CNGA2: variants seen among roughly 807,000 people sequenced by gnomAD.
CNGA2 encodes cyclic nucleotide gated channel subunit alpha 2, also known as cyclic nucleotide-gated channel alpha-2.
In CNGA2, 22 loss-of-function variants were observed where a neutral mutation model predicts 35.9. The observed-to-expected ratio is 0.61, with a 90% confidence interval of 0.44 to 0.88. CNGA2 has a LOEUF of 0.88. CNGA2 is among the 40% of genes least tolerant of loss of function. CNGA2 has a pLI of 0.00. For synonymous variants in CNGA2, 217 were observed against 209.2 expected (o/e 1.04, Z -0.32); for missense variants, 555 against 530.8 (o/e 1.05, Z -0.45).
Position 151,743,426 on chromosome X carries a change from T to A in CNGA2, c.923T>A (p.Val308Asp), listed in dbSNP as rs1212671237. 8.3e-7 allele frequency: 1 copy of A among 1,207,637 alleles called. No homozygotes were observed. The highest frequency in any genetic ancestry group is 1.1e-6 in the Non-Finnish European group (1 of 894,736). The change falls in exon 7 of 7, where the codon GTT (valine) becomes GAT (aspartate). Residue 308 changes from valine to aspartate, a missense_variant. By Grantham distance (152) the Val-to-Asp change is radical. Coordinates refer to ENST00000329903, the MANE Select transcript of CNGA2 (RefSeq NM_005140.3). ...ATAGGCTTTGGGGTCGACACCTGGGTTTACCCAAACATCACTGACCCTGAG... is the reference window on the plus strand; with the variant it reads ...ATAGGCTTTGGGGTCGACACCTGGGATTACCCAAACATCACTGACCCTGAG... The part of the protein sequence containing the change: ...KSIGFGVDTW[V>D]YPNITDPEYG...
rs1183569188 is a variant in CNGA2, at chrX:151,743,504, C to T, written c.1001C>T (p.Thr334Ile). The T allele has an allele frequency of 8.3e-7, 1 of 1,208,603 alleles. No individual in the cohort carries two copies. Among genetic ancestry groups the T allele is most frequent in the Non-Finnish European group, 1.1e-6 (1 of 895,009 alleles). ...TATTGCCTTTACTGGTCCACACTGA[C>T]TCTCACTACCATTGGGGAGACACCA... ...YIYCLYWSTL[T>I]LTTIGETPPP... Residue 334 changes from threonine to isoleucine, a missense_variant, in exon 7 of 7, where the codon ACT (threonine) becomes ATT (isoleucine). Transcript: ENST00000329903.
At position 151,742,983 on chromosome X, in the gene CNGA2, CATATATATGTGTATATATATAT is replaced by C. The variant is rs1192471839; in HGVS notation, c.590-108_590-87del. On this transcript the variant is annotated intron_variant, in intron 6 of 6. Coordinates refer to ENST00000329903, the MANE Select transcript of CNGA2 (RefSeq NM_005140.3). Reference sequence around the variant, plus strand: ...ATGTATATATATATGTATATATATACATATATATGTGTATATATATATACACATATATATGTATATATATGCA... The same window carrying C: ...ATGTATATATATATGTATATATATACACACATATATATGTATATATATGCA... The C allele has an allele frequency of 3.3e-3, 63 of 19,283 alleles. 4 individuals are homozygous for C. The highest frequency in any genetic ancestry group is 4.7e-3 in the South Asian group (1 of 214). The allele number at this position is 19,283 out of a possible 1,213,427, so 1.6% of individuals were successfully genotyped here. A position where few individuals can be genotyped will look rare whatever the true frequency, so the allele number is the denominator to read the frequency against.
At chrX:151,738,731 G>C (rs2015272551) in intron 2 of CNGA2, 56 bp from the exon 3 acceptor site, 1 of 1,103,051 alleles carries the variant, frequency 9.1e-7, no homozygotes, top group Non-Finnish European at 1.2e-6. Flanking sequence ...TGACCCAGGA[G>C]GGGAGACAAG....
intron 1 of CNGA2, among the ~76,000 whole-genome samples, chrX:151,737,127 A>G (rs144264470): frequency 0.024 from 2,652 of 111,667 alleles, 83 homozygotes; most frequent in African/African-American, 0.082. Flanking sequence ...GAACAAGCTT[A>G]GGCGGGGGTT....
At chrX:151,736,588 G>A (rs527414072) in intron 1 of CNGA2, among the ~76,000 whole-genome samples, 1 of 110,928 alleles carries the variant, frequency 9.0e-6, no homozygotes, top group Non-Finnish European at 1.9e-5. Flanking sequence ...GGGACTTGAG[G>A]TTTCCTGGAG....
intron 1 of CNGA2, among the ~76,000 whole-genome samples, chrX:151,737,093 C>T (rs1173513859): frequency 9.0e-6 from 1 of 111,712 alleles, no homozygotes; most frequent in Non-Finnish European, 1.9e-5. Context: ...CCTGCCATCG[C>T]CATGGTGACA....
Position 151,743,791 on chromosome X carries a change from A to G in CNGA2, c.1288A>G (p.Lys430Glu). The stretch of plus-strand genomic sequence containing the variant: ...GACAGTGGATGAGCGAGAAATTCTC[A>G]AGAATCTGCCAGCCAAGCTCAGGGC... ...KKTVDEREIL[K>E]NLPAKLRAEI... The change falls in exon 7 of 7, where the codon AAG becomes GAG. Residue 430 changes from lysine to glutamate, a missense_variant. Physicochemically the swap from Lys to Glu is moderately conservative, Grantham distance 56 (BLOSUM62 1). Coordinates refer to ENST00000329903, the MANE Select transcript of CNGA2 (RefSeq NM_005140.3). 1 of 1,211,662 alleles carries G rather than the reference A, an allele frequency of 8.3e-7. No homozygotes were observed. The highest frequency in any genetic ancestry group is 1.1e-6 in the Non-Finnish European group (1 of 895,484).
intron 3 of CNGA2, 121 bp from the exon 4 acceptor site, chrX:151,739,441 T>G: frequency 2.6e-6 from 2 of 779,286 alleles, no homozygotes; most frequent in Non-Finnish European, 1.8e-6. Flanking sequence ...GTCTGGCCTG[T>G]TTGTAGGTTT....
chrX:151,744,135 C>T lies in CNGA2; in HGVS notation c.1632C>T (p.Gly544=). ...GCACAGCTAATATCCGCAGCCTGGG[C>T]TACTCAGATCTCTTCTGCTTGTCCA... ...NRRTANIRSL[G]YSDLFCLSKD... is the part of the protein sequence containing the mutation. The change falls in exon 7 of 7, where the codon GGC becomes GGT. Residue 544 remains glycine (G), a synonymous_variant. Coordinates refer to ENST00000329903, the MANE Select transcript of CNGA2 (RefSeq NM_005140.3). The T allele has an allele frequency of 1.7e-6, 2 of 1,210,347 alleles. No homozygotes were observed. The highest frequency in any genetic ancestry group is 3.5e-5 in the South Asian group (2 of 56,809).
chrX:151,743,347 A>C lies in CNGA2; in HGVS notation c.844A>C (p.Ile282Leu), dbSNP rs2015337726. Residue 282 changes from isoleucine (I) to leucine (L), a missense_variant, in exon 7 of 7, where the codon ATC becomes CTC. Coordinates refer to ENST00000329903, the MANE Select transcript of CNGA2 (RefSeq NM_005140.3). The stretch of plus-strand genomic sequence containing the variant: ...CCGCATCAGCAACCTTGTCCTCTAC[A>C]TCTTGGTCATCATCCACTGGAATGC... The part of the protein sequence containing the change: ...IFRISNLVLY[I>L]LVIIHWNACI... 1 of 1,209,067 alleles carries C rather than the reference A, an allele frequency of 8.3e-7. No homozygotes were observed. The highest frequency in any genetic ancestry group is 1.8e-5 in the African/African-American group (1 of 56,882).
At chrX:151,736,650 G>T (rs756138984) in intron 1 of CNGA2, among the ~76,000 whole-genome samples, 2 of 110,916 alleles carry the variant, frequency 1.8e-5, no homozygotes, top group Non-Finnish European at 3.8e-5. Flanking sequence ...CCAGCAAGCA[G>T]CATGAGGGGG....
chrX:151,743,881 G>A lies in CNGA2; in HGVS notation c.1378G>A (p.Ala460Thr), dbSNP rs188603275. ...AGTGCGCATCTTCCATGATTGTGAG[G>A]CTGGCCTGCTGGTAGAGCTGGTACT... ...KKVRIFHDCE[A>T]GLLVELVLKL... The change falls in exon 7 of 7, where the codon GCT (alanine) becomes ACT (threonine). Residue 460 changes from alanine to threonine, a missense_variant. By Grantham distance (58) the Ala-to-Thr change is moderately conservative. Coordinates refer to ENST00000329903, the MANE Select transcript of CNGA2 (RefSeq NM_005140.3). The A allele has an allele frequency of 1.1e-4, 134 of 1,209,367 alleles. No homozygotes were observed. The East Asian group carries it at 3.5e-3, about 32-fold the overall frequency.
At chrX:151,735,369 G>GTCCT (rs1339538952) in intron 1 of CNGA2, among the ~76,000 whole-genome samples, 5 of 111,860 alleles carry the variant, frequency 4.5e-5, no homozygotes, top group African/African-American at 1.6e-4. Flanking sequence ...TCTCCTGTCT[G>GTCCT]TCCTTGCAGC....
At chrX:151,741,450 C>T (rs7885425) in intron 5 of CNGA2, among the ~76,000 whole-genome samples, 1,283 of 112,118 alleles carry the variant, frequency 0.011, 20 homozygotes, top group African/African-American at 0.039. Flanking sequence ...CATCCTACTC[C>T]GTCCCAATCC....
intron 6 of CNGA2, 139 bp from the exon 7 acceptor site, chrX:151,742,954 A>ATATATG (rs2015323661): frequency 1.4e-5 from 1 of 71,400 alleles, no homozygotes; most frequent in African/African-American, 6.7e-5. Context: ...ATATGTATAT[A>ATATATG]TATATGTATA....
In CNGA2 at chrX:151,743,723, C is replaced by T. The variant is rs1159611500; in HGVS notation, c.1220C>T (p.Ala407Val). ...QFRKVSKGME[A>V]KVIRWFDYLW... ...CGAAAGGTCAGCAAGGGGATGGAAG[C>T]CAAGGTCATTAGGTGGTTTGACTAC... The change falls in exon 7 of 7, where the codon GCC (alanine) becomes GTC (valine). Residue 407 changes from alanine to valine, a missense_variant. Physicochemically the swap from Ala to Val is moderately conservative, Grantham distance 64. Coordinates refer to ENST00000329903, the MANE Select transcript of CNGA2 (RefSeq NM_005140.3). The T allele has an allele frequency of 8.3e-7, 1 of 1,209,689 alleles. No homozygotes were observed. Among genetic ancestry groups the T allele is most frequent in the African/African-American group, 1.8e-5 (1 of 57,004 alleles).
At chrX:151,740,987 C>A in intron 5 of CNGA2, 86 bp downstream of exon 5, 1 of 644,793 alleles carries the variant, frequency 1.6e-6, no homozygotes, top group Non-Finnish European at 2.6e-6. Context: ...CCCTGGATAC[C>A]AATGGCACCT....
rs929754656 is a variant in CNGA2, at chrX:151,742,645, C to T, written c.589+3C>T. 1.9e-5 allele frequency: 23 copies of T among 1,181,518 alleles called. No individual in the cohort carries two copies. Among genetic ancestry groups the T allele is most frequent in the Middle Eastern group, 2.3e-4 (1 of 4,274 alleles). On this transcript the variant is annotated splice_donor_region_variant and intron_variant, in intron 6 of 6. Transcript: ENST00000329903. The stretch of plus-strand genomic sequence containing the variant: ...CCTCTTCATCCGATTGCGCACAGGT[C>T]AGTGAGCAACTGGGATGCAGGTAAA...
In CNGA2 at chrX:151,743,299, C is replaced by G; in HGVS notation, c.796C>G (p.Arg266Gly). The G allele has an allele frequency of 8.3e-7, 1 of 1,208,766 alleles. No individual in the cohort carries two copies. The highest frequency in any genetic ancestry group is 1.1e-6 in the Non-Finnish European group (1 of 894,942). Residue 266 changes from arginine to glycine, a missense_variant, in exon 7 of 7, where the codon CGC (arginine) becomes GGC (glycine). Arg to Gly is a moderately radical substitution (Grantham distance 125). Transcript: ENST00000329903. ...TGAGTTCTTTGACCGGACAGAGACA[C>G]GCACCAACTACCCTAACATCTTCCG... ...MFEFFDRTET[R>G]TNYPNIFRIS...
Sources: allele counts gnomAD v4.1 joint callset (sites outside exome capture counted in the v4.1 genomes callset), GRCh38; gene constraint gnomAD v4.1.1; transcripts MANE v1.5; gene names NCBI Gene and HGNC (gene_info 2026-07-23, HGNC 2026-07-21).